YEATS2: variants seen among roughly 807,000 people sequenced by gnomAD.
YEATS2 encodes YEATS domain containing 2.
YEATS2 carries 77 observed loss-of-function variants against 163.2 expected under a neutral mutation model. The observed-to-expected ratio is 0.47, with a 90% CI of 0.39 to 0.57. YEATS2 has a LOEUF of 0.57. YEATS2 is among the 20% of genes least tolerant of loss of function. YEATS2 has a pLI of 0.00. For synonymous variants in YEATS2, 631 were observed against 645.1 expected (o/e 0.98, Z 0.33); for missense variants, 1,549 against 1,729.8 (o/e 0.90, Z 1.85).
intron 19 of YEATS2, among the ~76,000 whole-genome samples, chr3:183,784,925 T>C (rs1195548072): frequency 6.6e-6 from 1 of 151,594 alleles, no homozygotes. Flanking sequence ...AGTACAAAAT[T>C]AGCCAGGCAT....
Position 183,811,184 on chromosome 3 carries a change from T to G in YEATS2, c.*601T>G, listed in dbSNP as rs899435257. ...GGCAGACTGAGCAGAATTCCTTTTT[T>G]GAGCACGAGAGCATTACTAGAACCA... On this transcript the variant is annotated 3_prime_UTR_variant, in exon 31 of 31. Coordinates refer to ENST00000305135, the MANE Select transcript of YEATS2 (RefSeq NM_018023.5). 1.4e-4 allele frequency: 22 copies of G among 153,116 alleles called. No individual in the cohort carries two copies. The highest frequency in any genetic ancestry group is 5.3e-4 in the African/African-American group (22 of 41,440). 9.5% of individuals were successfully genotyped at this position (153,116 alleles called of 1,614,324 possible).
intron 7 of YEATS2, among the ~76,000 whole-genome samples, chr3:183,730,386 C>G (rs1411319922): frequency 6.6e-6 from 1 of 151,952 alleles, no homozygotes; most frequent in African/African-American, 2.4e-5. Flanking sequence ...TATAAATGCA[C>G]TGTGGAAGTG....
At chr3:183,792,871 G>T (rs573168634) in intron 21 of YEATS2, among the ~76,000 whole-genome samples, 3 of 152,198 alleles carry the variant, frequency 2.0e-5, no homozygotes, top group Admixed American at 2.0e-4. Flanking sequence ...CAGCCTGTTT[G>T]TATTACTTAA....
intron 2 of YEATS2, among the ~76,000 whole-genome samples, chr3:183,717,152 T>C (rs1715980308): frequency 6.6e-6 from 1 of 152,034 alleles, no homozygotes; most frequent in Admixed American, 6.6e-5. Flanking sequence ...CTGGGCCTCC[T>C]AGAGTGCTGG....
chr3:183,811,654 C>G lies in YEATS2; in HGVS notation c.*1071C>G, dbSNP rs1726808949. ...GTCTGTGTCCACAAGCAGAGGCCCCCTCGATGGGAGGGAGTGGCAGGCAGG... is the reference window on the plus strand; with the variant it reads ...GTCTGTGTCCACAAGCAGAGGCCCCGTCGATGGGAGGGAGTGGCAGGCAGG... On this transcript the variant is annotated 3_prime_UTR_variant, in exon 31 of 31. Transcript: ENST00000305135. The G allele has an allele frequency of 6.6e-6, 1 of 152,590 alleles. No homozygotes were observed. The highest frequency in any genetic ancestry group is 2.4e-5 in the African/African-American group (1 of 41,434). The allele number at this position is 152,590 out of a possible 1,614,324, so 9.5% of individuals were successfully genotyped here.
intron 21 of YEATS2, among the ~76,000 whole-genome samples, chr3:183,796,078 G>A (rs1389377701): frequency 6.8e-6 from 1 of 146,984 alleles, no homozygotes; most frequent in Non-Finnish European, 1.5e-5. Context: ...CGCCTCCCGA[G>A]TTCAAGTGAT....
At chr3:183,740,288 G>C (rs1718808972) in intron 8 of YEATS2, among the ~76,000 whole-genome samples, 1 of 151,994 alleles carries the variant, frequency 6.6e-6, no homozygotes, top group African/African-American at 2.4e-5. Context: ...CAAAAAGTGG[G>C]CGAAGGACAT....
At chr3:183,765,584 G>C (rs147551220) in intron 15 of YEATS2, among the ~76,000 whole-genome samples, 294 of 152,338 alleles carry the variant, frequency 1.9e-3, no homozygotes, top group African/African-American at 6.9e-3. Flanking sequence ...ATGATTAGCA[G>C]TTGAGATAAG....
intron 24 of YEATS2, 47 bp from the exon 25 acceptor site, chr3:183,801,408 C>T (rs1560333548): frequency 7.1e-7 from 1 of 1,407,882 alleles, no homozygotes; most frequent in East Asian, 2.3e-5. Flanking sequence ...ATAGAAACTG[C>T]TACATGTATT....
At chr3:183,808,837 G>C (rs560271647) in intron 29 of YEATS2, 8 of 349,410 alleles carry the variant, frequency 2.3e-5, no homozygotes, top group African/African-American at 1.7e-4. Context: ...GCCTGGGCGC[G>C]AGAGTGAGAC....
At chr3:183,776,571 C>CT in intron 18 of YEATS2, among the ~76,000 whole-genome samples, 1 of 152,166 alleles carries the variant, frequency 6.6e-6, no homozygotes, top group South Asian at 2.1e-4. Context: ...GTGTTTTTAT[C>CT]TTTTTTGCTT....
At chr3:183,734,814 A>G (rs574038111) in intron 7 of YEATS2, among the ~76,000 whole-genome samples, 1 of 152,210 alleles carries the variant, frequency 6.6e-6, no homozygotes, top group African/African-American at 2.4e-5. Flanking sequence ...TAATAAAGCC[A>G]TTTTTGTTTA....
At chr3:183,735,560 G>A (rs767352612) in intron 7 of YEATS2, among the ~76,000 whole-genome samples, 2 of 152,126 alleles carry the variant, frequency 1.3e-5, no homozygotes, top group African/African-American at 4.8e-5. Flanking sequence ...CCTGGGCTCC[G>A]TTGTTAGCTG....
chr3:183,807,043 A>C lies in YEATS2; in HGVS notation c.3962A>C (p.Tyr1321Ser), dbSNP rs1225237784. 2 of 1,614,098 alleles carry C rather than the reference A, an allele frequency of 1.2e-6. No homozygotes were observed. The highest frequency in any genetic ancestry group is 1.7e-6 in the Non-Finnish European group (2 of 1,180,008). The change falls in exon 28 of 31, where the codon TAC becomes TCC. Residue 1321 changes from tyrosine to serine, a missense_variant. Tyr to Ser is a moderately radical substitution (Grantham distance 144, BLOSUM62 -2). Transcript: ENST00000305135. ...GAGAAACAAGAGGAAGTCAAGTTCT[A>C]CCTGCCACCAACCCCAGGGTCTGAA... ...QEEKQEEVKF[Y>S]LPPTPGSEFI... is the part of the protein sequence containing the mutation.
At chr3:183,708,996 C>T (rs1714906439) in intron 1 of YEATS2, among the ~76,000 whole-genome samples, 3 of 151,930 alleles carry the variant, frequency 2.0e-5, no homozygotes, top group Admixed American at 6.6e-5. Flanking sequence ...CCCGTCTCTT[C>T]TAAAAATAAA....
At position 183,807,075 on chromosome 3, in the gene YEATS2, G is replaced by A. The variant is rs1726287220; in HGVS notation, c.3994G>A (p.Gly1332Arg). 3.7e-6 allele frequency: 6 copies of A among 1,613,498 alleles called. No individual in the cohort carries two copies. The change falls in exon 28 of 31, where the codon GGG becomes AGG. Residue 1332 changes from glycine to arginine, a missense_variant. Physicochemically the swap from Gly to Arg is moderately radical, Grantham distance 125. Transcript: ENST00000305135. ...ACCAACCCCAGGGTCTGAATTTATT[G>A]GGGATGTCACACAGAAGGTAGGGGT... ...LPPTPGSEFI[G>R]DVTQKIGITL...
chr3:183,734,607 C>T (rs1028017528), intron 7 of YEATS2, among the ~76,000 whole-genome samples: 12 of 152,132 alleles, frequency 7.9e-5, no homozygotes, highest in African/African-American at 2.7e-4. Context: ...AGAATTTACT[C>T]CTTGTGATTC....
At chr3:183,759,680 T>C (rs565608328) in intron 13 of YEATS2, among the ~76,000 whole-genome samples, 48 of 152,350 alleles carry the variant, frequency 3.2e-4, no homozygotes, top group Middle Eastern at 3.4e-3. Flanking sequence ...GTGGTCCAAC[T>C]TAACGATTTT....
intron 1 of YEATS2, among the ~76,000 whole-genome samples, chr3:183,699,496 C>G (rs970234721): frequency 1.3e-5 from 2 of 151,364 alleles, no homozygotes; most frequent in African/African-American, 4.9e-5. Context: ...GTCGCTTGAG[C>G]CCAGATATTC....
Sources: gnomAD v4.1 joint callset for allele counts (sites outside exome capture counted in the v4.1 genomes callset) on GRCh38, gnomAD v4.1.1 for gene constraint, MANE v1.5 for transcripts, NCBI Gene and HGNC (gene_info 2026-07-23, HGNC 2026-07-21) for gene names.